Variants in FSD2 observed in about 807,000 individuals in gnomAD.
FSD2 encodes fibronectin type III and SPRY domain-containing protein 2.
FSD2 carries 71 observed loss-of-function variants against 80.4 expected under a neutral mutation model. The ratio of observed to expected loss-of-function variants is 0.88; its 90% CI spans 0.73 to 1.08. FSD2 has a LOEUF of 1.08. Among genes scored for constraint, FSD2 ranks in the 50% least tolerant of loss-of-function variants. The probability of loss-of-function intolerance (pLI) is 0.00; values close to 1 mark genes in which losing one functional copy is unlikely to be tolerated. For synonymous variants in FSD2, 361 were observed against 329.5 expected (o/e 1.10, Z -1.03); for missense variants, 923 against 913.8 (o/e 1.01, Z -0.13).
rs2049825453 is a variant in FSD2 at position 82,780,377 on chromosome 15, C to G, written c.967-110G>C. 4 of 739,540 alleles carry G rather than the reference C, an allele frequency of 5.4e-6. No homozygotes were observed. The African/African-American group carries it at 5.6e-5, about 10-fold the overall frequency. 45.8% of individuals were successfully genotyped at this position (739,540 alleles called of 1,614,324 possible). ...TTAAATGGAGTCTCACTCTGTCCCC[C>G]AGGCTGGAGTGCAATGGCACAATCT... is the stretch of plus-strand genomic sequence containing the variant. On this transcript the variant is annotated intron_variant, in intron 4 of 12. Transcript: ENST00000334574.
chr15:82,771,970 C>T (rs759842513), intron 7 of FSD2, 103 bp downstream of exon 7: 55 of 1,215,942 alleles, frequency 4.5e-5, no homozygotes, highest in Non-Finnish European at 5.9e-5. Flanking sequence ...TGTCTAGACC[C>T]ATCCTGTCTC....
chr15:82,782,579 G>A (rs576575702), intron 4 of FSD2, among the ~76,000 whole-genome samples: 1 of 152,254 alleles, frequency 6.6e-6, no homozygotes, highest in South Asian at 2.1e-4. Context: ...GAGTCCGCCT[G>A]GCCACTCACG....
intron 1 of FSD2, among the ~76,000 whole-genome samples, chr15:82,789,146 A>G (rs1298997093): frequency 6.6e-6 from 1 of 152,126 alleles, no homozygotes; most frequent in African/African-American, 2.4e-5. Context: ...TTTGTTTTTG[A>G]AAAGGTTTAA....
intron 1 of FSD2, among the ~76,000 whole-genome samples, chr15:82,801,892 G>C (rs531736449): frequency 1.6e-4 from 24 of 152,282 alleles, no homozygotes; most frequent in African/African-American, 4.8e-4. Context: ...CCACAAACAG[G>C]ATCAGGTCCA....
intron 1 of FSD2, among the ~76,000 whole-genome samples, chr15:82,794,490 C>G (rs2050216286): frequency 6.6e-6 from 1 of 152,110 alleles, no homozygotes; most frequent in Non-Finnish European, 1.5e-5. Context: ...ATATAGATGT[C>G]TGTTAGGTGC....
intron 4 of FSD2, among the ~76,000 whole-genome samples, chr15:82,781,454 A>C (rs1324431037): frequency 6.6e-6 from 1 of 152,170 alleles, no homozygotes; most frequent in Non-Finnish European, 1.5e-5. Flanking sequence ...ATATTTAGCA[A>C]CCAGGAAGCT....
In FSD2 at chr15:82,782,954, T is replaced by C; in HGVS notation, c.807A>G (p.Lys269=). 1 of 1,613,902 alleles carries C rather than the reference T, an allele frequency of 6.2e-7. No individual in the cohort carries two copies. The highest frequency in any genetic ancestry group is 1.6e-4 in the Middle Eastern group (1 of 6,062). ...CTAGAGCTTGTATTTTTTCCTCATA[T>C]TTTTGAGCAAGTGTTTCCAAGATCT... ...YNEILETLAQ[K]YEEKIQALGE... is the part of the protein sequence containing the mutation. Residue 269 remains lysine, a synonymous_variant, in exon 4 of 13, where the codon AAA becomes AAG. Coordinates refer to ENST00000334574, the MANE Select transcript of FSD2 (RefSeq NM_001007122.4).
In FSD2 at chr15:82,766,037, C is replaced by T; in HGVS notation, c.1554-6G>A. 1.3e-6 allele frequency: 2 copies of T among 1,575,288 alleles called. No individual in the cohort carries two copies. Among genetic ancestry groups the T allele is most frequent in the Non-Finnish European group, 1.7e-6 (2 of 1,163,000 alleles). On this transcript the variant is annotated splice_region_variant and splice_polypyrimidine_tract_variant and intron_variant, in intron 9 of 12. Coordinates refer to ENST00000334574, the MANE Select transcript of FSD2 (RefSeq NM_001007122.4). ...TCGGGATGCCCACAACAGACCTGTA[C>T]AAGGAAGCAGAGCTGCAGTCAGAAT... is the stretch of plus-strand genomic sequence containing the variant.
intron 10 of FSD2, 39 bp downstream of exon 10, chr15:82,765,859 A>G: frequency 1.9e-6 from 3 of 1,573,036 alleles, no homozygotes; most frequent in Non-Finnish European, 2.6e-6. Flanking sequence ...CAGAGTGGCC[A>G]CTTTGGGTCC....
At chr15:82,784,581 T>C (rs1446548967) in intron 3 of FSD2, among the ~76,000 whole-genome samples, 1 of 152,148 alleles carries the variant, frequency 6.6e-6, no homozygotes, top group African/African-American at 2.4e-5. Context: ...GTTGTACACT[T>C]ACCCCCTTCT....
chr15:82,766,710 A>G (rs1596231308), intron 9 of FSD2, among the ~76,000 whole-genome samples: 1 of 146,200 alleles, frequency 6.8e-6, no homozygotes, highest in Non-Finnish European at 1.5e-5. Context: ...ACGCCACTGC[A>G]CTCCTGGGCG....
chr15:82,773,033 G>A (rs952803666), intron 6 of FSD2, among the ~76,000 whole-genome samples: 1 of 152,146 alleles, frequency 6.6e-6, no homozygotes, highest in Non-Finnish European at 1.5e-5. Context: ...TTTTAGTAGA[G>A]ACAGGGCTTC....
chr15:82,790,427 C>T (rs542111599), intron 1 of FSD2, among the ~76,000 whole-genome samples: 2 of 152,298 alleles, frequency 1.3e-5, no homozygotes, highest in African/African-American at 2.4e-5. Context: ...ATTGCTCACA[C>T]AGGTATTTCC....
rs1388923817 is a variant in FSD2 at position 82,775,321 on chromosome 15, C to T, written c.1112-3093G>A. Among the ~76,000 whole-genome samples, 2 of 151,870 alleles carry T rather than the reference C, an allele frequency of 1.3e-5. 1 individual carries two copies. The highest frequency in any genetic ancestry group is 1.3e-4 in the Admixed American group (2 of 15,248). ...GCTGAGGCAGGAGAATCGCTGGAAC[C>T]CAGGAGGCTGAGGTTGCAGTGAGCT... is the stretch of plus-strand genomic sequence containing the variant. On this transcript the variant is annotated intron_variant, in intron 6 of 12. Coordinates refer to ENST00000334574, the MANE Select transcript of FSD2 (RefSeq NM_001007122.4).
intron 1 of FSD2, among the ~76,000 whole-genome samples, chr15:82,801,995 C>G (rs1177489549): frequency 6.6e-6 from 1 of 152,134 alleles, no homozygotes; most frequent in African/African-American, 2.4e-5. Flanking sequence ...AGTGTTTTGC[C>G]TCCACAGCCA....
intron 7 of FSD2, among the ~76,000 whole-genome samples, chr15:82,771,492 C>A (rs1002230216): frequency 1.3e-5 from 2 of 152,216 alleles, no homozygotes; most frequent in African/African-American, 2.4e-5. Context: ...CAGCTGTAAC[C>A]CCACACCAGC....
rs891460999 is a variant in FSD2, at chr15:82,757,648, A to G, written c.*1700T>C. ...CGCCCGGCCGAGAACATTTTTAAAT[A>G]TACATGATATGTATCTTTTAATTGT... On this transcript the variant is annotated 3_prime_UTR_variant, in exon 13 of 13. Transcript: ENST00000334574. The G allele has an allele frequency of 6.6e-6, 1 of 152,208 alleles. No individual in the cohort carries two copies. Among genetic ancestry groups the G allele is most frequent in the Non-Finnish European group, 1.5e-5 (1 of 68,054 alleles). The allele number at this position is 152,208 out of a possible 1,614,324, so 9.4% of individuals were successfully genotyped here.
Position 82,767,856 on chromosome 15 carries a change from AT to A in FSD2, c.1553+1023del, listed in dbSNP as rs557945960. Among the ~76,000 whole-genome samples, 107 of 152,240 alleles carry A rather than the reference AT, an allele frequency of 7.0e-4. 1 individual carries two copies. The highest frequency in any genetic ancestry group is 6.1e-3 in the Admixed American group (93 of 15,290). On this transcript the variant is annotated intron_variant, in intron 9 of 12. Transcript: ENST00000334574. Reference sequence around the variant, plus strand: ...CATAGAAGAATCTGCTTCCCTAACAATTGACACCAACACCTCTTCATTTCTC... The same window carrying A: ...CATAGAAGAATCTGCTTCCCTAACAATGACACCAACACCTCTTCATTTCTC...
intron 6 of FSD2, 81 bp from the exon 7 acceptor site, chr15:82,772,309 TCC>T: frequency 7.2e-7 from 1 of 1,383,352 alleles, no homozygotes; most frequent in Non-Finnish European, 9.9e-7. Flanking sequence ...TGACCATTGA[TCC>T]CCCCAATGAA....
Sources: allele counts gnomAD v4.1 joint callset (sites outside exome capture counted in the v4.1 genomes callset), GRCh38; gene constraint gnomAD v4.1.1; transcripts MANE v1.5; gene names NCBI Gene and HGNC (gene_info 2026-07-23, HGNC 2026-07-21).